The following KCNB2 variants were observed in gnomAD, a reference collection of about 807,000 sequenced individuals.
The protein encoded by KCNB2 is delayed rectifier potassium channel protein.
Under a neutral mutation model 61.5 loss-of-function variants are expected in KCNB2, and 15 were observed. The ratio of observed to expected loss-of-function variants is 0.24; its 90% CI spans 0.16 to 0.38. The LOEUF (loss-of-function observed/expected upper bound fraction) is 0.38, where lower values mean the gene tolerates loss of function less well. Ranked by LOEUF, KCNB2 falls within the 10% of genes least tolerant of loss-of-function variation. The pLI is 1.00. For synonymous variants in KCNB2, 457 were observed against 446.0 expected, an observed-to-expected ratio of 1.02 and a Z score of -0.31; for missense variants, 828 against 1,125.2, an observed-to-expected ratio of 0.74 and a Z score of 3.78.
At chr8:72,805,628 T>C (rs1444679588) in intron 2 of KCNB2, among the ~76,000 whole-genome samples, 1 of 152,218 alleles carries the variant, frequency 6.6e-6, no homozygotes, top group Non-Finnish European at 1.5e-5. Flanking sequence ...TAGCCCTTTT[T>C]ACCCCTCATT....
At chr8:72,785,742 C>G (rs1315135327) in intron 2 of KCNB2, among the ~76,000 whole-genome samples, 1 of 152,036 alleles carries the variant, frequency 6.6e-6, no homozygotes, top group Non-Finnish European at 1.5e-5. Context: ...CTCCATAAAT[C>G]CGTTTTTCCT....
intron 2 of KCNB2, among the ~76,000 whole-genome samples, chr8:72,882,559 G>A (rs547331748): frequency 2.2e-4 from 34 of 151,494 alleles, no homozygotes; most frequent in Admixed American, 2.1e-3. Context: ...GAGAGAGAAT[G>A]TGTGTCTTCA....
intron 2 of KCNB2, among the ~76,000 whole-genome samples, chr8:72,631,517 A>G (rs1284955206): frequency 2.0e-5 from 3 of 152,140 alleles, no homozygotes; most frequent in Admixed American, 6.5e-5. Context: ...CATCAGTCAT[A>G]TTGGATTAGG....
chr8:72,600,493 A>G (rs1807278983), intron 2 of KCNB2, among the ~76,000 whole-genome samples: 1 of 152,110 alleles, frequency 6.6e-6, no homozygotes, highest in Non-Finnish European at 1.5e-5. Flanking sequence ...ACCTAATGCT[A>G]AATGACGAGT....
intron 2 of KCNB2, among the ~76,000 whole-genome samples, chr8:72,584,390 C>G (rs572916400): frequency 1.3e-5 from 2 of 152,072 alleles, no homozygotes; most frequent in Admixed American, 1.3e-4. Context: ...CTCCTAATGG[C>G]CTTTTCTCAC....
At chr8:72,865,735 C>T (rs1805506567) in intron 2 of KCNB2, among the ~76,000 whole-genome samples, 1 of 147,012 alleles carries the variant, frequency 6.8e-6, no homozygotes, top group South Asian at 2.1e-4. Flanking sequence ...TCTTCCTGCT[C>T]TTCAACTCAC....
At chr8:72,643,767 T>C (rs574288669) in intron 2 of KCNB2, among the ~76,000 whole-genome samples, 8 of 152,238 alleles carry the variant, frequency 5.3e-5, no homozygotes, top group African/African-American at 1.9e-4. Context: ...GACTTATACA[T>C]GAACAAAGGA....
At chr8:72,637,601 G>A (rs953231032) in intron 2 of KCNB2, among the ~76,000 whole-genome samples, 3 of 152,038 alleles carry the variant, frequency 2.0e-5, no homozygotes, top group East Asian at 1.9e-4. Flanking sequence ...ACGCCCCACC[G>A]TCACTGTTAT....
chr8:72,639,918 A>G (rs1221627977), intron 2 of KCNB2, among the ~76,000 whole-genome samples: 2 of 152,120 alleles, frequency 1.3e-5, no homozygotes, highest in Non-Finnish European at 1.5e-5. Flanking sequence ...CAAAAAGGTT[A>G]AACAGATGGC....
At chr8:72,814,777 C>T (rs1316250384) in intron 2 of KCNB2, among the ~76,000 whole-genome samples, 1 of 152,148 alleles carries the variant, frequency 6.6e-6, no homozygotes, top group African/African-American at 2.4e-5. Flanking sequence ...CTTTATTCTG[C>T]ACACCATAGC....
intron 2 of KCNB2, among the ~76,000 whole-genome samples, chr8:72,621,336 G>T (rs1167094638): frequency 1.3e-5 from 2 of 152,162 alleles, no homozygotes; most frequent in Non-Finnish European, 2.9e-5. Context: ...AAATCCCCCA[G>T]TCCAGATCCC....
chr8:72,699,734 C>A (rs1302010246), intron 2 of KCNB2, among the ~76,000 whole-genome samples: 1 of 152,012 alleles, frequency 6.6e-6, no homozygotes, highest in East Asian at 1.9e-4. Flanking sequence ...TTGGGTTTTA[C>A]ATTTAAGTCT....
At chr8:72,773,861 G>A (rs1431810298) in intron 2 of KCNB2, among the ~76,000 whole-genome samples, 1 of 152,066 alleles carries the variant, frequency 6.6e-6, no homozygotes, top group East Asian at 1.9e-4. Flanking sequence ...TCATTGTAAG[G>A]TCTGAGCTGT....
At chr8:72,730,321 T>C (rs1328118744) in intron 2 of KCNB2, among the ~76,000 whole-genome samples, 5 of 152,204 alleles carry the variant, frequency 3.3e-5, no homozygotes, top group African/African-American at 1.2e-4. Context: ...TTTCAATAAA[T>C]TTTAACCTGG....
chr8:72,760,829 T>C (rs1305015145), intron 2 of KCNB2, among the ~76,000 whole-genome samples: 2 of 152,170 alleles, frequency 1.3e-5, no homozygotes, highest in East Asian at 3.9e-4. Context: ...ACCAAAGTCC[T>C]GGACTTGGGG....
intron 2 of KCNB2, among the ~76,000 whole-genome samples, chr8:72,644,229 C>G (rs73305872): frequency 3.3e-5 from 5 of 151,840 alleles, no homozygotes; most frequent in Non-Finnish European, 1.5e-5. Context: ...CACATTAAAC[C>G]CTGATTTTAA....
chr8:72,741,874 C>G (rs116871152), intron 2 of KCNB2, among the ~76,000 whole-genome samples: 1 of 152,248 alleles, frequency 6.6e-6, no homozygotes, highest in Non-Finnish European at 1.5e-5. Context: ...AAAGGGAACA[C>G]TTTCTACACT....
intron 2 of KCNB2, among the ~76,000 whole-genome samples, chr8:72,824,400 C>G (rs1809563486): frequency 6.6e-6 from 1 of 152,202 alleles, no homozygotes; most frequent in South Asian, 2.1e-4. Context: ...CTGCCCCCTA[C>G]AGTTCCCCAG....
intron 2 of KCNB2, among the ~76,000 whole-genome samples, chr8:72,906,611 G>A (rs973923316): frequency 1.3e-5 from 2 of 152,180 alleles, no homozygotes; most frequent in African/African-American, 4.8e-5. Flanking sequence ...AAATTAACGT[G>A]GTGGAGCCAA....
Sources: allele counts gnomAD v4.1 joint callset (sites outside exome capture counted in the v4.1 genomes callset), GRCh38; gene constraint gnomAD v4.1.1; transcripts MANE v1.5; gene names NCBI Gene and HGNC (gene_info 2026-07-23, HGNC 2026-07-21).